The following DSC3 variants were observed in gnomAD, a reference collection of about 807,000 sequenced individuals.
The protein encoded by DSC3 is desmocollin-3.
Under a neutral mutation model 89.5 loss-of-function variants are expected in DSC3, and 97 were observed. That is an observed-to-expected ratio of 1.08 (90% CI 0.92 to 1.28). The LOEUF is 1.28. Ranked by LOEUF, DSC3 falls within the 50% of genes most tolerant of loss-of-function variation. The pLI is 0.00. For missense variants in DSC3, 1,199 were observed against 1,085.3 expected (o/e 1.10, Z -1.47); for synonymous variants, 436 against 384.1 (o/e 1.14, Z -1.58).
chr18:31,016,158 A>C (rs1455299852), intron 9 of DSC3, among the ~76,000 whole-genome samples: 1 of 152,182 alleles, frequency 6.6e-6, no homozygotes, highest in Non-Finnish European at 1.5e-5. Context: ...AAATGCATGA[A>C]TAACCCACCC....
At chr18:31,035,162 T>A (rs2144736711) in intron 1 of DSC3, among the ~76,000 whole-genome samples, 1 of 152,240 alleles carries the variant, frequency 6.6e-6, no homozygotes, top group East Asian at 1.9e-4. Context: ...CTGCACAAAA[T>A]TAAAATACTT....
rs775159443 is a variant in DSC3 at position 30,994,310 on chromosome 18, A to G, written c.2556T>C (p.Tyr852=). ...CTGGAGATCCTCTTCCCTCATAGTT[A>G]TAAGTGAGGACATAATCTTGGGATG... ...RMPSQDYVLT[Y]NYEGRGSPAG... Residue 852 remains tyrosine, a synonymous_variant, in exon 16 of 16, where the codon TAT becomes TAC. Transcript: ENST00000360428. The G allele has an allele frequency of 6.2e-7, 1 of 1,613,990 alleles. No individual in the cohort carries two copies. Among genetic ancestry groups the G allele is most frequent in the African/African-American group, 1.3e-5 (1 of 74,914 alleles).
Position 31,042,668 on chromosome 18 carries a change from C to T in DSC3, c.-8G>A, listed in dbSNP as rs1430607808. 6.5e-7 allele frequency: 1 copy of T among 1,548,560 alleles called. No homozygotes were observed. The highest frequency in any genetic ancestry group is 1.2e-5 in the South Asian group (1 of 83,942). ...GGGCCCAGCGGCGGCCATCGGGATG[C>T]CGGGCAGGGCCAGGAGAACGCGGGC... On this transcript the variant is annotated 5_prime_UTR_variant, in exon 1 of 16. Coordinates refer to ENST00000360428, the MANE Select transcript of DSC3 (RefSeq NM_001941.5).
intron 6 of DSC3, among the ~76,000 whole-genome samples, chr18:31,023,311 G>A (rs572234685): frequency 1.3e-5 from 2 of 152,258 alleles, no homozygotes; most frequent in Non-Finnish European, 2.9e-5. Flanking sequence ...AGAAAACTCA[G>A]AGGGACTTCC....
intron 9 of DSC3, among the ~76,000 whole-genome samples, chr18:31,017,049 T>C (rs2144707257): frequency 6.6e-6 from 1 of 152,350 alleles, no homozygotes; most frequent in South Asian, 2.1e-4. Flanking sequence ...CAGTCAGTGG[T>C]ATTTTCTTAT....
At chr18:30,998,768 C>T (rs1984557765) in intron 14 of DSC3, among the ~76,000 whole-genome samples, 2 of 151,948 alleles carry the variant, frequency 1.3e-5, no homozygotes, top group South Asian at 4.2e-4. Flanking sequence ...GGAGTGGGAG[C>T]AGCCAATGAT....
At position 31,025,393 on chromosome 18, in the gene DSC3, G is replaced by A. The variant is rs182900897; in HGVS notation, c.630+367C>T. 2.1e-3 allele frequency among the ~76,000 whole-genome samples: 316 copies of A among 152,192 alleles called. 1 individual carries two copies. Among genetic ancestry groups the A allele is most frequent in the African/African-American group, 7.0e-3 (291 of 41,546 alleles). On this transcript the variant is annotated intron_variant, in intron 5 of 15. Transcript: ENST00000360428. ...TGGAAGTAAGAACAGTATAGATACA[G>A]GATTCTTCCAATCAACTGTAGACAT...
chr18:30,996,059 T>A (rs1387959444), intron 15 of DSC3, among the ~76,000 whole-genome samples: 1 of 151,212 alleles, frequency 6.6e-6, no homozygotes, highest in Admixed American at 6.6e-5. Flanking sequence ...GAGAATTCCT[T>A]ATTTTAATTC....
chr18:31,023,167 C>A (rs1389606197), intron 6 of DSC3, among the ~76,000 whole-genome samples: 1 of 151,878 alleles, frequency 6.6e-6, no homozygotes, highest in African/African-American at 2.4e-5. Context: ...AAACTAATTA[C>A]CCCTTTTTGA....
intron 14 of DSC3, among the ~76,000 whole-genome samples, chr18:30,999,376 C>T (rs1035989178): frequency 6.6e-6 from 1 of 151,804 alleles, no homozygotes; most frequent in African/African-American, 2.4e-5. Context: ...TGAAAAGTAG[C>T]CATTTGGTGG....
At chr18:31,039,160 G>A (rs959642151) in intron 1 of DSC3, among the ~76,000 whole-genome samples, 51 of 151,972 alleles carry the variant, frequency 3.4e-4, no homozygotes, top group African/African-American at 1.2e-3. Flanking sequence ...ACCTACTGCA[G>A]CCTAAGCAAA....
chr18:31,030,276 C>T (rs1225231063), intron 3 of DSC3, among the ~76,000 whole-genome samples: 1 of 152,110 alleles, frequency 6.6e-6, no homozygotes, highest in Non-Finnish European at 1.5e-5. Context: ...TTAGTGATGT[C>T]CATCTCATTT....
chr18:31,035,007 A>T (rs1448467023), intron 1 of DSC3, among the ~76,000 whole-genome samples: 5 of 152,164 alleles, frequency 3.3e-5, no homozygotes, highest in Admixed American at 3.3e-4. Context: ...CAAAAAAATG[A>T]CTTTCCACAA....
At chr18:30,998,259 A>T (rs916047653) in intron 14 of DSC3, among the ~76,000 whole-genome samples, 1 of 152,098 alleles carries the variant, frequency 6.6e-6, no homozygotes, top group African/African-American at 2.4e-5. Context: ...AAGTAGATGG[A>T]CTCCACAGAG....
chr18:31,018,822 A>G lies in DSC3; in HGVS notation c.943-22T>C, dbSNP rs749485662. Reference sequence around the variant, plus strand: ...CAACCTGGAAACAAAGCAAATATTTAACTAGTCTTGAAAAATTTTTGGTAG... The same window carrying G: ...CAACCTGGAAACAAAGCAAATATTTGACTAGTCTTGAAAAATTTTTGGTAG... On this transcript the variant is annotated intron_variant, in intron 7 of 15. Coordinates refer to ENST00000360428, the MANE Select transcript of DSC3 (RefSeq NM_001941.5). 3.7e-6 allele frequency: 6 copies of G among 1,612,160 alleles called. No individual in the cohort carries two copies. The Admixed American group carries it at 1.0e-4, about 27-fold the overall frequency.
chr18:31,034,027 G>A (rs1251449303), intron 1 of DSC3, among the ~76,000 whole-genome samples: 1 of 152,062 alleles, frequency 6.6e-6, no homozygotes, highest in Non-Finnish European at 1.5e-5. Context: ...AGGTTTCACC[G>A]TGTTCGCCAG....
rs1292348302 is a variant in DSC3, at chr18:31,007,113, C to T, written c.1682G>A (p.Gly561Glu). The T allele has an allele frequency of 8.1e-6, 13 of 1,612,672 alleles. No homozygotes were observed. Among genetic ancestry groups the T allele is most frequent in the Non-Finnish European group, 1.1e-5 (13 of 1,179,020 alleles). Residue 561 changes from glycine to glutamate, a missense_variant, in exon 12 of 16, where the codon GGA (glycine) becomes GAA (glutamate). Transcript: ENST00000360428. ...ATCTTCAATGTTCACAGCAAGTGTTCCAGTACATGATCTATCATCTAAGGA... is the reference window on the plus strand; with the variant it reads ...ATCTTCAATGTTCACAGCAAGTGTTTCAGTACATGATCTATCATCTAAGGA... ...AIDKDDRSCT[G>E]TLAVNIEDVN...
chr18:31,002,431 T>C (rs1019143044), intron 13 of DSC3, among the ~76,000 whole-genome samples: 108 of 152,196 alleles, frequency 7.1e-4, no homozygotes, highest in African/African-American at 2.5e-3. Flanking sequence ...CCGGGTGCAG[T>C]GGCTCACGCC....
At chr18:31,005,563 A>G (rs916512760) in intron 12 of DSC3, among the ~76,000 whole-genome samples, 3 of 152,136 alleles carry the variant, frequency 2.0e-5, no homozygotes, top group African/African-American at 7.2e-5. Flanking sequence ...TTCTTACTAA[A>G]ACCTTCTAAA....
Sources: allele counts gnomAD v4.1 joint callset (sites outside exome capture counted in the v4.1 genomes callset), GRCh38; gene constraint gnomAD v4.1.1; transcripts MANE v1.5; gene names NCBI Gene and HGNC (gene_info 2026-07-23, HGNC 2026-07-21).